The following RGS9 variants were observed in gnomAD, a reference collection of about 807,000 sequenced individuals.
RGS9 encodes the protein regulator of G-protein signalling 9.
In RGS9, 78 loss-of-function variants were observed where a neutral mutation model predicts 102.0. The ratio of observed to expected loss-of-function variants is 0.76; its 90% confidence interval spans 0.64 to 0.92. RGS9 has a LOEUF of 0.92. RGS9 is among the 40% of genes least tolerant of loss of function. The pLI is 0.00. For missense variants in RGS9, 833 were observed against 866.1 expected (o/e 0.96, Z 0.48); for synonymous variants, 353 against 318.6 (o/e 1.11, Z -1.15).
intron 17 of RGS9, among the ~76,000 whole-genome samples, chr17:65,222,165 C>T (rs1013719341): frequency 6.6e-6 from 1 of 152,242 alleles, no homozygotes; most frequent in African/African-American, 2.4e-5. Context: ...CTGCTCTCAG[C>T]AGCTGGGGGC....
intron 1 of RGS9, 82 bp from the exon 2 acceptor site, chr17:65,153,340 C>G (rs1378479413): frequency 1.7e-6 from 2 of 1,176,268 alleles, no homozygotes. Flanking sequence ...ATTTTGAGGT[C>G]CCTCTCAGTG....
intron 9 of RGS9, among the ~76,000 whole-genome samples, chr17:65,188,401 G>A (rs1050910931): frequency 1.3e-5 from 2 of 152,182 alleles, no homozygotes; most frequent in Admixed American, 6.5e-5. Context: ...TCAACTCGGG[G>A]ACTCAGCTTG....
chr17:65,206,673 T>C (rs1913076138), intron 15 of RGS9, among the ~76,000 whole-genome samples: 1 of 151,996 alleles, frequency 6.6e-6, no homozygotes, highest in Admixed American at 6.6e-5. Flanking sequence ...TGAAACTCCG[T>C]CTCAAAAAAC....
In RGS9 at chr17:65,177,771, G is replaced by C; in HGVS notation, c.622G>C (p.Val208Leu). ...TGTGCTGGACTACGGCCTGGACCGAGTGACCAATCCGAATGAAGTCAAGGT... is the reference window on the plus strand; with the variant it reads ...TGTGCTGGACTACGGCCTGGACCGACTGACCAATCCGAATGAAGTCAAGGT... ...DNVLDYGLDR[V>L]TNPNEVKVNQ... The change falls in exon 9 of 19, where the codon GTG (valine) becomes CTG (leucine). Residue 208 changes from valine to leucine, a missense_variant. By Grantham distance (32) the Val-to-Leu change is conservative. Coordinates refer to ENST00000262406, the MANE Select transcript of RGS9 (RefSeq NM_003835.4). 6.2e-7 allele frequency: 1 copy of C among 1,614,226 alleles called. No homozygotes were observed.
chr17:65,157,617 C>T (rs1352474061), intron 2 of RGS9, among the ~76,000 whole-genome samples: 1 of 151,942 alleles, frequency 6.6e-6, no homozygotes, highest in Non-Finnish European at 1.5e-5. Flanking sequence ...CTAAGATTTG[C>T]AGGGCCTGGG....
At chr17:65,176,189 G>C (rs1010440093) in intron 8 of RGS9, among the ~76,000 whole-genome samples, 2 of 152,224 alleles carry the variant, frequency 1.3e-5, no homozygotes, top group African/African-American at 4.8e-5. Context: ...AAGAGTCAAG[G>C]AGTTGAGAGA....
intron 1 of RGS9, among the ~76,000 whole-genome samples, chr17:65,150,721 T>C (rs890732397): frequency 5.3e-5 from 8 of 152,236 alleles, no homozygotes; most frequent in Admixed American, 3.3e-4. Flanking sequence ...ACCCTTGTCA[T>C]TGCATGTTCT....
At chr17:65,208,046 T>C in intron 16 of RGS9, 39 bp downstream of exon 16, 2 of 1,403,344 alleles carry the variant, frequency 1.4e-6, no homozygotes, top group Non-Finnish European at 2.0e-6. Flanking sequence ...TGCCTGCTGC[T>C]TAGTTTACAG....
intron 16 of RGS9, 57 bp from the exon 17 acceptor site, chr17:65,210,431 C>T (rs1215956726): frequency 5.7e-6 from 9 of 1,577,230 alleles, no homozygotes; most frequent in Non-Finnish European, 7.8e-6. Flanking sequence ...GTGACAGGGT[C>T]AGTGTTGGGC....
intron 9 of RGS9, 103 bp from the exon 10 acceptor site, chr17:65,189,183 G>C (rs1247583218): frequency 1.1e-6 from 1 of 910,648 alleles, no homozygotes; most frequent in African/African-American, 1.6e-5. Flanking sequence ...AGAAAAAAAT[G>C]GGCATTTTTC....
At chr17:65,210,974 CA>C (rs1273260111) in intron 17 of RGS9, among the ~76,000 whole-genome samples, 5 of 151,732 alleles carry the variant, frequency 3.3e-5, no homozygotes, top group African/African-American at 9.7e-5. Context: ...CAGTAAGAGC[CA>C]GGGGGAAAAA....
chr17:65,153,582 T>A lies in RGS9; in HGVS notation c.154+64T>A, dbSNP rs112496663. 6,439 of 1,322,390 alleles carry A rather than the reference T, an allele frequency of 4.9e-3. 241 individuals carry two copies. The African/African-American group carries it at 0.078, about 16-fold the overall frequency. 81.9% of individuals were successfully genotyped at this position (1,322,390 alleles called of 1,614,324 possible). On this transcript the variant is annotated intron_variant, in intron 2 of 18. Coordinates refer to ENST00000262406, the MANE Select transcript of RGS9 (RefSeq NM_003835.4). ...CCCCACAGGCCCAATACGGCCCACC[T>A]CCTGTGTTTGTAAAAAACTTTATTT...
At chr17:65,199,393 C>T (rs1004670386) in intron 13 of RGS9, among the ~76,000 whole-genome samples, 6 of 151,410 alleles carry the variant, frequency 4.0e-5, no homozygotes, top group Middle Eastern at 3.4e-3. Context: ...TTCATGTAAA[C>T]GAAATCATGC....
chr17:65,186,433 C>T (rs113647899), intron 9 of RGS9, among the ~76,000 whole-genome samples: 29 of 152,012 alleles, frequency 1.9e-4, no homozygotes, highest in African/African-American at 6.8e-4. Context: ...GCCAGGCTGA[C>T]CTTAGATGAT....
intron 17 of RGS9, among the ~76,000 whole-genome samples, chr17:65,218,605 G>C (rs1913595650): frequency 6.6e-6 from 1 of 152,190 alleles, no homozygotes; most frequent in African/African-American, 2.4e-5. Flanking sequence ...ATTGATAGTA[G>C]AGAGTGTCTG....
In RGS9 at chr17:65,204,267, C is replaced by T. The variant is rs781676331; in HGVS notation, c.1169C>T (p.Ala390Val). Residue 390 changes from alanine (A) to valine (V), a missense_variant, in exon 15 of 19, where the codon GCC becomes GTC. By Grantham distance (64) the Ala-to-Val change is moderately conservative. This residue lies in a region of RGS9 where 185 missense variants were observed against 248.7 expected (regional missense o/e 0.74). Transcript: ENST00000262406. ...CACCCCCACCGCTATGTGCTGGACG[C>T]CGCACAAACCCACATTTACATGCTC... ...LKHPHRYVLD[A>V]AQTHIYMLMK... 2 of 1,613,708 alleles carry T rather than the reference C, an allele frequency of 1.2e-6. No individual in the cohort carries two copies. The highest frequency in any genetic ancestry group is 2.2e-5 in the East Asian group (1 of 44,886).
At chr17:65,224,700 G>T (rs879638053) in intron 17 of RGS9, among the ~76,000 whole-genome samples, 18 of 152,168 alleles carry the variant, frequency 1.2e-4, no homozygotes, top group Non-Finnish European at 1.5e-5. Flanking sequence ...ATGCAGCCTG[G>T]CCATACTCCA....
At chr17:65,138,705 C>T (rs774387049) in intron 1 of RGS9, among the ~76,000 whole-genome samples, 9 of 152,128 alleles carry the variant, frequency 5.9e-5, no homozygotes, top group Non-Finnish European at 1.3e-4. Context: ...CTGCCTAAGT[C>T]GGCTATCTCA....
chr17:65,197,086 AC>A, intron 12 of RGS9, 39 bp from the exon 13 acceptor site: 1 of 1,488,980 alleles, frequency 6.7e-7, no homozygotes, highest in Non-Finnish European at 9.3e-7. Flanking sequence ...ACCTGTCACA[AC>A]CGCTACCTCT....
Sources: gnomAD v4.1 joint callset for allele counts (sites outside exome capture counted in the v4.1 genomes callset) on GRCh38, gnomAD v4.1.1 for gene constraint, gnomAD v4.1.1 regional missense constraint, MANE v1.5 for transcripts, NCBI Gene and HGNC (gene_info 2026-07-23, HGNC 2026-07-21) for gene names.